MEOX2: variants seen among roughly 807,000 people sequenced by gnomAD.
MEOX2 encodes the protein mesenchyme homeobox 2, also known as homeobox protein MOX-2.
A neutral mutation model predicts 27.0 loss-of-function variants in MEOX2; 11 were observed. The observed-to-expected ratio is 0.41, with a 90% confidence interval of 0.26 to 0.68. The LOEUF (loss-of-function observed/expected upper bound fraction) is 0.68. Ranked by LOEUF, MEOX2 falls within the 30% of genes least tolerant of loss-of-function variation. The pLI is 0.33. For missense variants in MEOX2, 436 were observed against 385.4 expected (o/e 1.13, Z -1.10); for synonymous variants, 189 against 155.4 (o/e 1.22, Z -1.61).
chr7:15,656,909 A>C (rs996227768), intron 1 of MEOX2, among the ~76,000 whole-genome samples: 4 of 151,712 alleles, frequency 2.6e-5, no homozygotes, highest in African/African-American at 7.3e-5. Flanking sequence ...GTCTTCCTTC[A>C]CTTGAGAATG....
At chr7:15,667,289 C>CAAAAAAAAAAAAAAAAAAAAAA (rs532691969) in intron 1 of MEOX2, among the ~76,000 whole-genome samples, 3 of 40,974 alleles carry the variant, frequency 7.3e-5, no homozygotes, top group African/African-American at 2.0e-4. Flanking sequence ...GACTCTGTCT[C>CAAAAAAAAAAAAAAAAAAAAAA]AAAAAAAAAA....
intron 1 of MEOX2, among the ~76,000 whole-genome samples, chr7:15,663,425 C>T (rs961437134): frequency 6.6e-6 from 1 of 151,840 alleles, no homozygotes; most frequent in South Asian, 2.1e-4. Flanking sequence ...CTCCTCCTCC[C>T]GGGTTTAAGC....
At chr7:15,627,512 A>G (rs149777966) in intron 1 of MEOX2, among the ~76,000 whole-genome samples, 1 of 152,214 alleles carries the variant, frequency 6.6e-6, no homozygotes, top group East Asian at 1.9e-4. Context: ...TGGAATCTAT[A>G]AATGAAATTG....
chr7:15,663,505 GT>G (rs1467682692), intron 1 of MEOX2, among the ~76,000 whole-genome samples: 1 of 66,338 alleles, frequency 1.5e-5, no homozygotes, highest in East Asian at 9.2e-4. Flanking sequence ...GCTAATTTTT[GT>G]ATTTTTTTTT....
At chr7:15,619,735 T>A (rs1234021805) in intron 2 of MEOX2, among the ~76,000 whole-genome samples, 1 of 152,066 alleles carries the variant, frequency 6.6e-6, no homozygotes, top group Non-Finnish European at 1.5e-5. Context: ...GATAGCATTT[T>A]AAAAGAAAAC....
intron 1 of MEOX2, chr7:15,676,043 T>G (rs1180735202): frequency 6.6e-6 from 1 of 152,196 alleles, no homozygotes; most frequent in South Asian, 2.1e-4. Flanking sequence ...CTCGCATATA[T>G]GATCATTTAA....
Position 15,685,947 on chromosome 7 carries a change from C to T in MEOX2, c.456G>A (p.Gln152=), listed in dbSNP as rs1246601102. ...AACAPGDYGR[Q]ALSPAEAEKR... The stretch of plus-strand genomic sequence containing the variant: ...TCTCCGCCTCCGCAGGTGACAGTGC[C>T]TGGCGGCCGTAGTCCCCCGGCGCGC... The change falls in exon 1 of 3, where the codon CAG becomes CAA. Residue 152 remains glutamine, a synonymous_variant. Coordinates refer to ENST00000262041, the MANE Select transcript of MEOX2 (RefSeq NM_005924.5). 2 of 1,611,584 alleles carry T rather than the reference C, an allele frequency of 1.2e-6. No homozygotes were observed. The highest frequency in any genetic ancestry group is 2.2e-5 in the East Asian group (1 of 44,826).
intron 2 of MEOX2, among the ~76,000 whole-genome samples, chr7:15,616,937 T>A (rs78176471): frequency 0.018 from 2,745 of 152,128 alleles, 86 homozygotes; most frequent in African/African-American, 0.063. Context: ...TGTAACTTAT[T>A]TGGCCATCAC....
intron 1 of MEOX2, among the ~76,000 whole-genome samples, chr7:15,639,972 T>C (rs191618447): frequency 2.9e-4 from 44 of 152,262 alleles, no homozygotes; most frequent in African/African-American, 1.0e-3. Context: ...GAGCTCTCTT[T>C]TTTGGTTCCA....
At chr7:15,616,008 T>C (rs1377713941) in intron 2 of MEOX2, among the ~76,000 whole-genome samples, 1 of 151,964 alleles carries the variant, frequency 6.6e-6, no homozygotes, top group Non-Finnish European at 1.5e-5. Context: ...AGATATATTA[T>C]GGCCTATTTT....
In MEOX2 at chr7:15,679,746, T is replaced by C. The variant is rs145195275; in HGVS notation, c.517+6140A>G. 4.0e-3 allele frequency: 602 copies of C among 152,120 alleles called. 3 individuals carry two copies. The highest frequency in any genetic ancestry group is 0.013 in the African/African-American group (551 of 41,568). 9.4% of individuals were successfully genotyped at this position (152,120 alleles called of 1,614,324 possible). ...ACAATATTATCATACAAGTTAATGA[T>C]CCAGTTTATTAATTTCTAATTCTAT... On this transcript the variant is annotated intron_variant, in intron 1 of 2. Coordinates refer to ENST00000262041, the MANE Select transcript of MEOX2 (RefSeq NM_005924.5).
intron 1 of MEOX2, among the ~76,000 whole-genome samples, chr7:15,662,761 T>TAAA (rs1781937842): frequency 2.0e-5 from 3 of 152,186 alleles, no homozygotes; most frequent in Non-Finnish European, 4.4e-5. Context: ...TGGTAATTTA[T>TAAA]TTGTATTTCG....
intron 1 of MEOX2, among the ~76,000 whole-genome samples, chr7:15,685,627 A>G (rs546729604): frequency 6.6e-6 from 1 of 152,292 alleles, no homozygotes; most frequent in African/African-American, 2.4e-5. Context: ...GTCCTTTTTT[A>G]TCAACCTTCT....
chr7:15,636,745 A>T lies in MEOX2; in HGVS notation c.518-9827T>A, dbSNP rs1002437879. Among the ~76,000 whole-genome samples the T allele has an allele frequency of 2.6e-5, 4 of 152,068 alleles. No individual in the cohort carries two copies. The East Asian group carries it at 7.7e-4, about 29-fold the overall frequency. On this transcript the variant is annotated intron_variant, in intron 1 of 2. Transcript: ENST00000262041. Reference sequence around the variant, plus strand: ...AATACCTGAGTGAATAATTTATTTTAAAAAACCAGAAATTTATTTCCTACA... The same window carrying T: ...AATACCTGAGTGAATAATTTATTTTTAAAAACCAGAAATTTATTTCCTACA...
intron 1 of MEOX2, among the ~76,000 whole-genome samples, chr7:15,662,479 GCAGAA>G (rs376172123): frequency 8.9e-4 from 136 of 152,052 alleles, no homozygotes; most frequent in African/African-American, 3.1e-3. Flanking sequence ...TGAACTGTCA[GCAGAA>G]CAGAACTTTT....
intron 1 of MEOX2, among the ~76,000 whole-genome samples, chr7:15,647,749 G>A (rs1471814234): frequency 1.3e-5 from 2 of 151,988 alleles, no homozygotes; most frequent in South Asian, 2.1e-4. Context: ...TTACTAAAAC[G>A]TAGTTTCTCA....
chr7:15,656,947 T>A (rs1194567066), intron 1 of MEOX2, among the ~76,000 whole-genome samples: 2 of 152,088 alleles, frequency 1.3e-5, no homozygotes, highest in African/African-American at 4.8e-5. Flanking sequence ...TTCCTGAGAA[T>A]ATTTTTTCTG....
intron 2 of MEOX2, among the ~76,000 whole-genome samples, chr7:15,619,383 A>G (rs1372968456): frequency 1.3e-5 from 2 of 152,026 alleles, no homozygotes; most frequent in Non-Finnish European, 2.9e-5. Context: ...GTTCCCTAAC[A>G]TTATTGTTAA....
intron 1 of MEOX2, among the ~76,000 whole-genome samples, chr7:15,659,294 C>T (rs1056024451): frequency 1.3e-5 from 2 of 152,088 alleles, no homozygotes; most frequent in African/African-American, 4.8e-5. Flanking sequence ...CATAATGTTG[C>T]ATCTTTTTTG....
Sources: allele counts gnomAD v4.1 joint callset (sites outside exome capture counted in the v4.1 genomes callset), GRCh38; gene constraint gnomAD v4.1.1; transcripts MANE v1.5; gene names NCBI Gene and HGNC (gene_info 2026-07-23, HGNC 2026-07-21).